The following RAF1 variants were observed in gnomAD, a reference collection of about 807,000 sequenced individuals.
RAF1 encodes RAF proto-oncogene serine/threonine-protein kinase.
RAF1 carries 27 observed loss-of-function variants against 81.1 expected under a neutral mutation model. That is an observed-to-expected ratio of 0.33 (90% CI 0.25 to 0.46). The LOEUF is 0.46. Among genes scored for constraint, RAF1 ranks in the 20% least tolerant of loss-of-function variants. RAF1 has a pLI of 1.00. For synonymous variants in RAF1, 298 were observed against 294.0 expected, an observed-to-expected ratio of 1.01 and a Z score of -0.14; for missense variants, 598 against 826.0, an observed-to-expected ratio of 0.72 and a Z score of 3.38.
In RAF1 at chr3:12,583,893, G is replaced by C; in HGVS notation, c.*621C>G. 1 of 235,224 alleles carries C rather than the reference G, an allele frequency of 4.3e-6. No individual in the cohort carries two copies. Among genetic ancestry groups the C allele is most frequent in the Non-Finnish European group, 8.4e-6 (1 of 119,052 alleles). 14.6% of individuals were successfully genotyped at this position (235,224 alleles called of 1,614,324 possible). ...CCTGAGAGGGCTGAGATGCGGATTG[G>C]CCGAGTGCCTTGCCTGGAAAACCAT... On this transcript the variant is annotated 3_prime_UTR_variant, in exon 18 of 18. Transcript: ENST00000442415.
intron 2 of RAF1, among the ~76,000 whole-genome samples, chr3:12,613,573 C>G (rs2125438139): frequency 6.6e-6 from 1 of 152,266 alleles, no homozygotes; most frequent in Middle Eastern, 3.4e-3. Context: ...CAATGCCAAT[C>G]CAGCCAACCT....
chr3:12,608,218 A>G (rs1409937308), intron 5 of RAF1, among the ~76,000 whole-genome samples: 2 of 152,194 alleles, frequency 1.3e-5, no homozygotes, highest in African/African-American at 4.8e-5. Context: ...TAAACTTTAA[A>G]TTCTTTAATA....
chr3:12,609,223 T>G lies in RAF1; in HGVS notation c.423+10A>C. 1 of 1,589,676 alleles carries G rather than the reference T, an allele frequency of 6.3e-7. No individual in the cohort carries two copies. Reference sequence around the variant, plus strand: ...CAACATGCCAGAAAGAGAAGAGATCTGCAACTTACAAAGTTGTGTGTTGTG... The same window carrying G: ...CAACATGCCAGAAAGAGAAGAGATCGGCAACTTACAAAGTTGTGTGTTGTG... On this transcript the variant is annotated intron_variant, in intron 4 of 17. Coordinates refer to ENST00000442415, the MANE Select transcript of RAF1 (RefSeq NM_001354689.3).
At chr3:12,628,957 G>T (rs555201886) in intron 1 of RAF1, among the ~76,000 whole-genome samples, 1 of 151,986 alleles carries the variant, frequency 6.6e-6, no homozygotes, top group African/African-American at 2.4e-5. Context: ...TACCATGTTG[G>T]CCAGGCTGGT....
At chr3:12,660,303 C>CT (rs11315063) in intron 1 of RAF1, among the ~76,000 whole-genome samples, 1,582 of 149,108 alleles carry the variant, frequency 0.011, 22 homozygotes, top group African/African-American at 0.036. Flanking sequence ...TGAAGGCACA[C>CT]TTTTTTTTTT....
chr3:12,661,182 AAT>A (rs1371675949), intron 1 of RAF1, among the ~76,000 whole-genome samples: 6 of 152,328 alleles, frequency 3.9e-5, no homozygotes, highest in African/African-American at 4.8e-5. Context: ...TTAATTCCAT[AAT>A]AGTCACTTTA....
At chr3:12,607,252 C>T (rs1434431349) in intron 5 of RAF1, among the ~76,000 whole-genome samples, 1 of 152,110 alleles carries the variant, frequency 6.6e-6, no homozygotes, top group Non-Finnish European at 1.5e-5. Context: ...AAGAACAATG[C>T]AAGGAAGGTA....
chr3:12,596,001 G>A (rs761908177), intron 11 of RAF1, among the ~76,000 whole-genome samples: 2 of 148,382 alleles, frequency 1.3e-5, no homozygotes, highest in African/African-American at 5.0e-5. Flanking sequence ...TCAGTTTCTC[G>A]AGTAGCGGGG....
In RAF1 at chr3:12,634,998, G is replaced by A. The variant is rs999303660; in HGVS notation, c.-26-16251C>T. ...AAACTGATATAAGGAAAAAGTCTCAGTTAGGTGCTAGTATATGTTTAATAC... is the reference window on the plus strand; with the variant it reads ...AAACTGATATAAGGAAAAAGTCTCAATTAGGTGCTAGTATATGTTTAATAC... On this transcript the variant is annotated intron_variant, in intron 1 of 17. Coordinates refer to ENST00000442415, the MANE Select transcript of RAF1 (RefSeq NM_001354689.3). Among the ~76,000 whole-genome samples, 4 of 152,082 alleles carry A rather than the reference G, an allele frequency of 2.6e-5. No homozygotes were observed. The East Asian group carries it at 5.8e-4, about 22-fold the overall frequency.
chr3:12,663,601 G>T (rs967264880), intron 1 of RAF1, among the ~76,000 whole-genome samples: 1 of 152,254 alleles, frequency 6.6e-6, no homozygotes, highest in Non-Finnish European at 1.5e-5. Context: ...ATTTGAGTGG[G>T]ATGTGGGAAC....
intron 13 of RAF1, chr3:12,590,313 G>A (rs1268689564): frequency 8.5e-6 from 1 of 117,414 alleles, no homozygotes; most frequent in African/African-American, 3.9e-5. Context: ...TCCCAAGGAG[G>A]AACCTGAACT....
At chr3:12,615,202 C>G (rs954512650) in intron 2 of RAF1, among the ~76,000 whole-genome samples, 2 of 152,272 alleles carry the variant, frequency 1.3e-5, no homozygotes, top group Admixed American at 6.5e-5. Flanking sequence ...TAGTGGTCCT[C>G]GGCTCCAGTC....
intron 1 of RAF1, among the ~76,000 whole-genome samples, chr3:12,660,839 G>A (rs2060852675): frequency 6.6e-6 from 1 of 152,230 alleles, no homozygotes; most frequent in South Asian, 2.1e-4. Flanking sequence ...GCTAGGCGTG[G>A]TGGCAGGCGC....
intron 1 of RAF1, among the ~76,000 whole-genome samples, chr3:12,660,286 CTTCTATTGAAGGCACACT>C (rs1473981295): frequency 7.5e-5 from 11 of 145,942 alleles, no homozygotes; most frequent in African/African-American, 2.6e-4. Context: ...ACGTTCAAGC[CTTCTATTGAAGGCACACT>C]TTTTTTTTTT....
chr3:12,612,128 G>T, intron 2 of RAF1, 66 bp from the exon 3 acceptor site: 2 of 1,230,864 alleles, frequency 1.6e-6, no homozygotes, highest in Admixed American at 1.7e-5. Context: ...GGTGGGCACA[G>T]AAATAAATGC....
chr3:12,615,482 A>T (rs1029142058), intron 2 of RAF1, among the ~76,000 whole-genome samples: 1 of 152,216 alleles, frequency 6.6e-6, no homozygotes, highest in Non-Finnish European at 1.5e-5. Flanking sequence ...GGGTTCAGGA[A>T]GTAAAGCAAC....
chr3:12,595,220 G>GC (rs2058649583), intron 11 of RAF1, among the ~76,000 whole-genome samples: 1 of 151,904 alleles, frequency 6.6e-6, no homozygotes, highest in Admixed American at 6.6e-5. Flanking sequence ...ATACAGGTGT[G>GC]CATCACCACG....
intron 14 of RAF1, chr3:12,587,304 T>G: frequency 2.0e-6 from 1 of 494,198 alleles, no homozygotes; most frequent in South Asian, 2.8e-5. Flanking sequence ...TGTGATAAAA[T>G]TATGCCTATT....
At chr3:12,645,146 A>C (rs555354309) in intron 1 of RAF1, among the ~76,000 whole-genome samples, 12 of 151,778 alleles carry the variant, frequency 7.9e-5, no homozygotes, top group Admixed American at 6.6e-4. Context: ...AAAAATATCT[A>C]AGGTAGCCAG....
Sources: allele counts gnomAD v4.1 joint callset (sites outside exome capture counted in the v4.1 genomes callset), GRCh38; gene constraint gnomAD v4.1.1; transcripts MANE v1.5; gene names NCBI Gene and HGNC (gene_info 2026-07-23, HGNC 2026-07-21).